Variants in NEMP2 observed in about 807,000 individuals in gnomAD.
NEMP2 encodes UPF0571 transmembrane protein.
In NEMP2, 53 loss-of-function variants were observed where a neutral mutation model predicts 54.2. The ratio of observed to expected loss-of-function variants is 0.98; its 90% CI spans 0.78 to 1.23. The LOEUF (loss-of-function observed/expected upper bound fraction) is 1.23. Ranked by LOEUF, NEMP2 falls within the 50% of genes most tolerant of loss-of-function variation. NEMP2 has a pLI of 0.00. For missense variants in NEMP2, 455 were observed against 511.3 expected (o/e 0.89, Z 1.06); for synonymous variants, 197 against 190.3 (o/e 1.04, Z -0.29).
chr2:190,436,279 T>A, the NEMP2 span: 2 of 1,614,030 alleles, frequency 1.2e-6, no homozygotes, highest in Non-Finnish European at 1.7e-6. The surrounding 1 kb of genome is among the most constrained non-coding windows in gnomAD (Gnocchi z 5.3). Context: ...TGCCTATGGC[T>A]CTCTCTATCC....
the NEMP2 span, among the ~76,000 whole-genome samples, chr2:190,487,748 C>A: frequency 6.6e-6 from 1 of 152,186 alleles, no homozygotes. The surrounding 1 kb of genome is among the most constrained non-coding windows in gnomAD (Gnocchi z 5.5). Context: ...TATATAAGTT[C>A]TGGCAAGGAG....
At chr2:190,598,481 C>G in the NEMP2 span, among the ~76,000 whole-genome samples, 1 of 152,204 alleles carries the variant, frequency 6.6e-6, no homozygotes, top group African/African-American at 2.4e-5. Flanking sequence ...AAGCCTTTGT[C>G]TTAAAGAATG....
the NEMP2 span, chr2:190,435,822 A>C: frequency 1.6e-6 from 1 of 607,582 alleles, no homozygotes; most frequent in Non-Finnish European, 2.6e-6. Context: ...ATTTTTCCTT[A>C]CCGGTATTGT....
chr2:190,576,764 C>T, the NEMP2 span, among the ~76,000 whole-genome samples: 1 of 152,006 alleles, frequency 6.6e-6, no homozygotes, highest in Non-Finnish European at 1.5e-5. Context: ...AGCCTGGACA[C>T]GTGAGGCTGA....
At chr2:190,572,873 A>ATATATATATATG in the NEMP2 span, among the ~76,000 whole-genome samples, 396 of 110,048 alleles carry the variant, frequency 3.6e-3, 2 homozygotes, top group Non-Finnish European at 4.9e-3. Context: ...ATATATATAT[A>ATATATATATATG]TATGTATATA....
chr2:190,618,559 G>A, the NEMP2 span, among the ~76,000 whole-genome samples: 1 of 152,104 alleles, frequency 6.6e-6, no homozygotes, highest in Non-Finnish European at 1.5e-5. Context: ...TTGGACAAAG[G>A]AGATAATTCC....
chr2:190,472,790 T>A, the NEMP2 span, among the ~76,000 whole-genome samples: 2 of 152,128 alleles, frequency 1.3e-5, no homozygotes, highest in Non-Finnish European at 2.9e-5. Flanking sequence ...ATTGTCAGAT[T>A]CACCAAAGTT....
chr2:190,607,976 T>C, the NEMP2 span: 10 of 152,312 alleles, frequency 6.6e-5, no homozygotes, highest in African/African-American at 1.2e-4. This position sits in a 1 kb window ranked among gnomAD's most constrained non-coding sequence, Gnocchi z 5.2. Context: ...GTTTTAGTTA[T>C]CTATGGTAAA....
the NEMP2 span, among the ~76,000 whole-genome samples, chr2:190,485,814 A>C: frequency 6.6e-6 from 1 of 152,176 alleles, no homozygotes; most frequent in Non-Finnish European, 1.5e-5. The surrounding 1 kb of genome is among the most constrained non-coding windows in gnomAD (Gnocchi z 5.1). Flanking sequence ...AAAAAAAAAA[A>C]AAACCTAGTT....
the NEMP2 span, among the ~76,000 whole-genome samples, chr2:190,432,248 G>A: frequency 1.3e-5 from 2 of 152,184 alleles, no homozygotes; most frequent in Non-Finnish European, 2.9e-5. Flanking sequence ...CTGCCTAGAG[G>A]ATGGAAGTCT....
At chr2:190,545,538 C>T in the NEMP2 span, among the ~76,000 whole-genome samples, 86 of 152,318 alleles carry the variant, frequency 5.6e-4, 3 homozygotes, top group East Asian at 0.016. Context: ...ATGTATGATT[C>T]AGGAACCTTT....
chr2:190,476,910 T>C, the NEMP2 span, among the ~76,000 whole-genome samples: 6 of 152,024 alleles, frequency 3.9e-5, no homozygotes, highest in Middle Eastern at 3.4e-3. Flanking sequence ...TGTAGGGACA[T>C]GGATGAAGCT....
At chr2:190,621,642 T>C in the NEMP2 span, among the ~76,000 whole-genome samples, 2,516 of 152,008 alleles carry the variant, frequency 0.017, 83 homozygotes, top group African/African-American at 0.057. Flanking sequence ...TATTTCAAAA[T>C]TTACTACAAA....
chr2:190,573,768 T>C, the NEMP2 span, among the ~76,000 whole-genome samples: 11 of 152,294 alleles, frequency 7.2e-5, no homozygotes, highest in Non-Finnish European at 4.4e-5. Context: ...GGACTAATGG[T>C]AGAGCATTTT....
the NEMP2 span, among the ~76,000 whole-genome samples, chr2:190,604,623 TCAC>T: frequency 7.6e-4 from 116 of 152,262 alleles, no homozygotes; most frequent in African/African-American, 2.6e-3. This position sits in a 1 kb window ranked among gnomAD's most constrained non-coding sequence, Gnocchi z 4.5. Context: ...ATTCTCAAGG[TCAC>T]AGCACTAAGT....
At chr2:190,633,407 G>C in the NEMP2 span, among the ~76,000 whole-genome samples, 1 of 150,580 alleles carries the variant, frequency 6.6e-6, no homozygotes, top group East Asian at 2.0e-4. Context: ...TCTGCGTCTC[G>C]GGTTCAAGTG....
At chr2:190,456,764 C>T in the NEMP2 span, among the ~76,000 whole-genome samples, 266 of 152,326 alleles carry the variant, frequency 1.7e-3, 2 homozygotes, top group Middle Eastern at 0.027. This position sits in a 1 kb window ranked among gnomAD's most constrained non-coding sequence, Gnocchi z 5.4. Context: ...GCTCACCCCT[C>T]GTCCTGCCTC....
At chr2:190,467,589 G>A in the NEMP2 span, among the ~76,000 whole-genome samples, 3 of 152,044 alleles carry the variant, frequency 2.0e-5, no homozygotes, top group Non-Finnish European at 2.9e-5. The surrounding 1 kb of genome is among the most constrained non-coding windows in gnomAD (Gnocchi z 5.5). Context: ...CTCTAGCCTC[G>A]GCAACAGAGC....
At chr2:190,427,965 C>T in the NEMP2 span, among the ~76,000 whole-genome samples, 8 of 152,198 alleles carry the variant, frequency 5.3e-5, no homozygotes, top group African/African-American at 1.9e-4. Flanking sequence ...CTCCTGACCT[C>T]AGGTGATCCA....
Sources: allele counts gnomAD v4.1 joint callset (sites outside exome capture counted in the v4.1 genomes callset), GRCh38; gene constraint gnomAD v4.1.1; non-coding constraint Gnocchi (gnomAD v3.1); transcripts MANE v1.5; gene names NCBI Gene and HGNC (gene_info 2026-07-23, HGNC 2026-07-21).